The following LPP variants were observed in gnomAD, a reference collection of about 807,000 sequenced individuals.
LPP encodes LIM domain containing preferred translocation partner in lipoma.
LPP carries 38 observed loss-of-function variants against 60.4 expected under a neutral mutation model. The observed-to-expected ratio is 0.63, with a 90% confidence interval of 0.49 to 0.83. The LOEUF is 0.83. LPP is among the 40% of genes least tolerant of loss of function. The pLI, the probability that LPP is intolerant of heterozygous loss-of-function variation, is 0.00. For synonymous variants in LPP, 328 were observed against 290.8 expected (o/e 1.13, Z -1.30); for missense variants, 902 against 783.6 (o/e 1.15, Z -1.80).
At chr3:188,631,877 C>T (rs1847903912) in intron 7 of LPP, among the ~76,000 whole-genome samples, 1 of 152,086 alleles carries the variant, frequency 6.6e-6, no homozygotes, top group African/African-American at 2.4e-5. Flanking sequence ...TAAATGTCTC[C>T]CTGACTCAAC....
At chr3:188,684,826 T>G (rs1363787194) in intron 7 of LPP, among the ~76,000 whole-genome samples, 1 of 152,126 alleles carries the variant, frequency 6.6e-6, no homozygotes, top group African/African-American at 2.4e-5. Context: ...ATGATGGTGC[T>G]CAAACTTAGC....
chr3:188,843,569 C>A (rs6797761), intron 9 of LPP, among the ~76,000 whole-genome samples: 115,827 of 150,496 alleles, frequency 0.77, 45,566 homozygotes, highest in African/African-American at 0.93. Flanking sequence ...GGGCGGATCA[C>A]GAGGTCAGGA....
chr3:188,214,856 G>T (rs1164127778), intron 1 of LPP, among the ~76,000 whole-genome samples: 1 of 152,184 alleles, frequency 6.6e-6, no homozygotes, highest in Non-Finnish European at 1.5e-5. Context: ...CAGCTGACAA[G>T]CATTGGTTGC....
intron 2 of LPP, among the ~76,000 whole-genome samples, chr3:188,296,237 T>C (rs1273772139): frequency 6.6e-6 from 1 of 152,208 alleles, no homozygotes; most frequent in East Asian, 1.9e-4. Context: ...ATTCAGGAGC[T>C]TGGAGTCTTA....
chr3:188,401,744 G>A (rs1782289971), intron 3 of LPP, among the ~76,000 whole-genome samples: 1 of 152,170 alleles, frequency 6.6e-6, no homozygotes, highest in African/African-American at 2.4e-5. Context: ...TCAAGGATTT[G>A]CGAGTTTAGT....
chr3:188,540,848 T>C (rs1016636098), intron 6 of LPP, among the ~76,000 whole-genome samples: 1 of 152,230 alleles, frequency 6.6e-6, no homozygotes, highest in African/African-American at 2.4e-5. Flanking sequence ...TGAAATAGAT[T>C]ATCTACCTCT....
chr3:188,817,627 G>C lies in LPP; in HGVS notation c.1411-48573G>C, dbSNP rs376238287. 6.8e-4 allele frequency among the ~76,000 whole-genome samples: 103 copies of C among 152,226 alleles called. 2 individuals are homozygous for C. The highest frequency in any genetic ancestry group is 2.4e-3 in the African/African-American group (101 of 41,554). ...ATTTTCACAGCTACTGCCACTCCCT[G>C]CTGCCAAACAAAACCCAGCCCTGTT... is the stretch of plus-strand genomic sequence containing the variant. On this transcript the variant is annotated intron_variant, in intron 9 of 11. Coordinates refer to ENST00000617246, the MANE Select transcript of LPP (RefSeq NM_001375462.1).
intron 7 of LPP, among the ~76,000 whole-genome samples, chr3:188,617,479 T>C (rs1036851936): frequency 1.3e-5 from 2 of 152,154 alleles, no homozygotes; most frequent in African/African-American, 2.4e-5. Context: ...TCATCAGTTT[T>C]GTAAGGCCAC....
intron 6 of LPP, among the ~76,000 whole-genome samples, chr3:188,560,509 T>G (rs906085362): frequency 1.3e-5 from 2 of 152,108 alleles, no homozygotes; most frequent in African/African-American, 4.8e-5. Flanking sequence ...TGGCTTCCAG[T>G]TCCGATTCTC....
intron 7 of LPP, among the ~76,000 whole-genome samples, chr3:188,632,747 C>T (rs571604533): frequency 3.3e-5 from 5 of 152,308 alleles, no homozygotes; most frequent in African/African-American, 9.6e-5. Context: ...CTAACACTTA[C>T]GGACAAGTGG....
chr3:188,492,583 C>G (rs898807817), intron 5 of LPP, among the ~76,000 whole-genome samples: 23 of 152,062 alleles, frequency 1.5e-4, no homozygotes, highest in African/African-American at 5.3e-4. Flanking sequence ...GTAATCCCAG[C>G]TACTCCAGAG....
intron 6 of LPP, among the ~76,000 whole-genome samples, chr3:188,588,083 A>T (rs1837875157): frequency 6.6e-6 from 1 of 152,232 alleles, no homozygotes; most frequent in African/African-American, 2.4e-5. Flanking sequence ...CATGCAGACA[A>T]ACTCTGATAT....
chr3:188,259,892 G>T (rs1297697883), intron 2 of LPP, among the ~76,000 whole-genome samples: 1 of 152,030 alleles, frequency 6.6e-6, no homozygotes, highest in Non-Finnish European at 1.5e-5. Flanking sequence ...CTTATTTATG[G>T]TGGTGGTTGT....
rs117748339 is a variant in LPP, at chr3:188,738,192, G to A, written c.1241-21921G>A. Among the ~76,000 whole-genome samples, 15 of 152,160 alleles carry A rather than the reference G, an allele frequency of 9.9e-5. 1 individual carries two copies. The South Asian group carries it at 1.7e-3, about 17-fold the overall frequency. Reference sequence around the variant, plus strand: ...AAAATTCTGTAGCAAATGAGTCCCCGAAAGTGTTTTTTTTCAAATGATGAT... The same window carrying A: ...AAAATTCTGTAGCAAATGAGTCCCCAAAAGTGTTTTTTTTCAAATGATGAT... On this transcript the variant is annotated intron_variant, in intron 8 of 11. Coordinates refer to ENST00000617246, the MANE Select transcript of LPP (RefSeq NM_001375462.1).
At chr3:188,398,456 G>A (rs1024057341) in intron 3 of LPP, among the ~76,000 whole-genome samples, 5 of 152,320 alleles carry the variant, frequency 3.3e-5, no homozygotes, top group East Asian at 1.9e-4. Flanking sequence ...TTTCTGTAGC[G>A]TTGTTCTCTC....
intron 6 of LPP, among the ~76,000 whole-genome samples, chr3:188,577,801 C>T (rs1013661048): frequency 2.6e-4 from 34 of 129,246 alleles, no homozygotes; most frequent in Admixed American, 4.8e-4. Context: ...TTCCCTCCCT[C>T]CCTCCTTCCT....
chr3:188,481,559 A>G (rs1030530428), intron 4 of LPP, among the ~76,000 whole-genome samples: 5 of 152,148 alleles, frequency 3.3e-5, no homozygotes, highest in Non-Finnish European at 7.3e-5. Context: ...TCTGAGTTCT[A>G]TTAGAGAAAC....
At chr3:188,427,647 TGCCTTTGTG>T (rs1204244418) in intron 4 of LPP, among the ~76,000 whole-genome samples, 8 of 152,166 alleles carry the variant, frequency 5.3e-5, no homozygotes, top group African/African-American at 1.9e-4. Context: ...CTGTCTACAG[TGCCTTTGTG>T]GCACTGTGGT....
intron 1 of LPP, among the ~76,000 whole-genome samples, chr3:188,156,101 C>T (rs544516238): frequency 2.6e-5 from 4 of 152,304 alleles, no homozygotes; most frequent in African/African-American, 7.2e-5. Context: ...AACCCCAACA[C>T]CCAAAACTTT....
Sources: gnomAD v4.1 joint callset for allele counts (sites outside exome capture counted in the v4.1 genomes callset) on GRCh38, gnomAD v4.1.1 for gene constraint, MANE v1.5 for transcripts, NCBI Gene and HGNC (gene_info 2026-07-23, HGNC 2026-07-21) for gene names.